ZFAT: variants seen among roughly 807,000 people sequenced by gnomAD.
ZFAT encodes the protein zinc finger protein ZFAT.
A neutral mutation model predicts 117.7 loss-of-function variants in ZFAT; 64 were observed. That is an observed-to-expected ratio of 0.54 (90% CI 0.44 to 0.67). ZFAT has a LOEUF of 0.67. ZFAT is among the 30% of genes least tolerant of loss of function. ZFAT has a pLI of 0.00. For synonymous variants in ZFAT, 679 were observed against 615.0 expected, an observed-to-expected ratio of 1.10 and a Z score of -1.54; for missense variants, 1,433 against 1,584.5, an observed-to-expected ratio of 0.90 and a Z score of 1.62.
At chr8:134,708,742 C>T (rs1813877086) in intron 1 of ZFAT, among the ~76,000 whole-genome samples, 5 of 152,208 alleles carry the variant, frequency 3.3e-5, no homozygotes, top group Admixed American at 3.3e-4. Context: ...CACCTGAGGT[C>T]AGGAGTTGGA....
the ZFAT span, among the ~76,000 whole-genome samples, chr8:134,753,073 T>TA: frequency 6.6e-6 from 1 of 152,146 alleles, no homozygotes; most frequent in Non-Finnish European, 1.5e-5. Context: ...ATTCTCTGTG[T>TA]AAAAAACTAC....
intron 1 of ZFAT, among the ~76,000 whole-genome samples, chr8:134,671,279 A>C (rs905912777): frequency 1.8e-4 from 28 of 152,296 alleles, no homozygotes; most frequent in African/African-American, 6.5e-4. Context: ...CTGATACCAA[A>C]GCCTGGCAGA....
chr8:134,504,042 C>T (rs1301950307), intron 15 of ZFAT, among the ~76,000 whole-genome samples: 6 of 152,176 alleles, frequency 3.9e-5, no homozygotes, highest in Non-Finnish European at 7.3e-5. Flanking sequence ...GAATGGTGGC[C>T]GAGTCACAGA....
At chr8:134,724,768 A>G in the ZFAT span, among the ~76,000 whole-genome samples, 1 of 152,116 alleles carries the variant, frequency 6.6e-6, no homozygotes, top group Non-Finnish European at 1.5e-5. Flanking sequence ...GGAGCTGTCT[A>G]TAGCAAGGGG....
chr8:134,529,370 G>A (rs1021127551), intron 12 of ZFAT, among the ~76,000 whole-genome samples: 2 of 152,194 alleles, frequency 1.3e-5, no homozygotes, highest in Non-Finnish European at 2.9e-5. Flanking sequence ...TGTATTTTAA[G>A]GGGAGGAAAG....
In ZFAT at chr8:134,600,677, A is replaced by G. The variant is rs768851857; in HGVS notation, c.2243-9T>C. On this transcript the variant is annotated splice_polypyrimidine_tract_variant and intron_variant, in intron 6 of 15. Transcript: ENST00000377838. Reference sequence around the variant, plus strand: ...GTACCAAAAAAGTTTGCCTAAAAAAATATTTTCACATGAGAACAAGGAAGT... The same window carrying G: ...GTACCAAAAAAGTTTGCCTAAAAAAGTATTTTCACATGAGAACAAGGAAGT... The G allele has an allele frequency of 1.3e-6, 2 of 1,565,414 alleles. No individual in the cohort carries two copies. Among genetic ancestry groups the G allele is most frequent in the African/African-American group, 2.7e-5 (2 of 72,998 alleles).
intron 1 of ZFAT, among the ~76,000 whole-genome samples, chr8:134,707,328 C>T (rs532432965): frequency 7.9e-5 from 12 of 152,286 alleles, no homozygotes; most frequent in African/African-American, 2.9e-4. Context: ...GCATGAAATC[C>T]TCAAGAGGAA....
Position 134,656,446 on chromosome 8 carries a change from G to A in ZFAT, c.196+1115C>T, listed in dbSNP as rs533517298. ...TCCTTATTCACCCACCACTAGCTTC[G>A]GGTGCTGCATCTTTTTCATTTTTCA... On this transcript the variant is annotated intron_variant, in intron 2 of 15. Coordinates refer to ENST00000377838, the MANE Select transcript of ZFAT (RefSeq NM_020863.4). Among the ~76,000 whole-genome samples the A allele has an allele frequency of 4.9e-4, 74 of 152,218 alleles. No individual in the cohort carries two copies. In the South Asian group the frequency reaches 0.013, roughly 27 times the overall value.
intron 3 of ZFAT, among the ~76,000 whole-genome samples, chr8:134,625,834 A>T (rs933449132): frequency 1.3e-5 from 2 of 152,172 alleles, no homozygotes; most frequent in African/African-American, 4.8e-5. Flanking sequence ...CTCCGGTCTC[A>T]GGCATGGTCA....
intron 15 of ZFAT, among the ~76,000 whole-genome samples, chr8:134,509,383 T>G (rs1453805964): frequency 6.6e-6 from 1 of 151,994 alleles, no homozygotes; most frequent in Non-Finnish European, 1.5e-5. Context: ...ATGGAGAGTT[T>G]CCAGAATTTT....
At chr8:134,524,964 T>G (rs951169080) in intron 12 of ZFAT, among the ~76,000 whole-genome samples, 1 of 152,226 alleles carries the variant, frequency 6.6e-6, no homozygotes, top group African/African-American at 2.4e-5. Context: ...GACACAGGCA[T>G]GCTTAGCTTG....
At chr8:134,750,753 G>A in the ZFAT span, among the ~76,000 whole-genome samples, 178 of 152,266 alleles carry the variant, frequency 1.2e-3, no homozygotes, top group African/African-American at 4.0e-3. Context: ...ATGACAGAGC[G>A]AGACCCTGTC....
At chr8:134,814,934 T>G in the ZFAT span, among the ~76,000 whole-genome samples, 1 of 152,224 alleles carries the variant, frequency 6.6e-6, no homozygotes, top group Non-Finnish European at 1.5e-5. Context: ...ATCCTACAAC[T>G]AGAAGAATAG....
At chr8:134,817,433 ACAC>A in the ZFAT span, among the ~76,000 whole-genome samples, 1,288 of 126,426 alleles carry the variant, frequency 0.01, 8 homozygotes, top group African/African-American at 0.012. Flanking sequence ...ACACACACAC[ACAC>A]AACGCACCCT....
chr8:134,532,455 GA>G (rs532754356), intron 12 of ZFAT, among the ~76,000 whole-genome samples: 78 of 152,224 alleles, frequency 5.1e-4, no homozygotes, highest in African/African-American at 1.9e-3. Flanking sequence ...GTATATCAAA[GA>G]AAAACAACAT....
the ZFAT span, among the ~76,000 whole-genome samples, chr8:134,726,050 G>C: frequency 6.6e-6 from 1 of 152,130 alleles, no homozygotes; most frequent in Non-Finnish European, 1.5e-5. Context: ...TGGGTACAAT[G>C]TGAGTGAAAC....
chr8:134,568,642 T>C (rs755518593), intron 10 of ZFAT, among the ~76,000 whole-genome samples: 1 of 152,244 alleles, frequency 6.6e-6, no homozygotes, highest in Non-Finnish European at 1.5e-5. Flanking sequence ...CAGCCTTTTA[T>C]GGATGTACTT....
chr8:134,605,905 G>A (rs1194847732), intron 5 of ZFAT, among the ~76,000 whole-genome samples: 1 of 152,196 alleles, frequency 6.6e-6, no homozygotes, highest in Non-Finnish European at 1.5e-5. Flanking sequence ...AAAGTAAGCA[G>A]ACAAGGACCA....
At chr8:134,574,805 C>A (rs1825182659) in intron 10 of ZFAT, among the ~76,000 whole-genome samples, 1 of 151,988 alleles carries the variant, frequency 6.6e-6, no homozygotes, top group Non-Finnish European at 1.5e-5. Context: ...AGTAAAAATG[C>A]CTCCTTATGA....
Sources: gnomAD v4.1 joint callset for allele counts (sites outside exome capture counted in the v4.1 genomes callset) on GRCh38, gnomAD v4.1.1 for gene constraint, MANE v1.5 for transcripts, NCBI Gene and HGNC (gene_info 2026-07-23, HGNC 2026-07-21) for gene names.